Variants in APBB2 observed in about 807,000 individuals in gnomAD.
APBB2 encodes the protein Fe65-like 1.
Under a neutral mutation model 82.5 loss-of-function variants are expected in APBB2, and 38 were observed. The observed-to-expected ratio is 0.46, with a 90% CI of 0.36 to 0.60. APBB2 has a LOEUF of 0.60. Among genes scored for constraint, APBB2 ranks in the 20% least tolerant of loss-of-function variants. APBB2 has a pLI of 0.00. For missense variants in APBB2, 772 were observed against 972.3 expected (o/e 0.79, Z 2.74); for synonymous variants, 341 against 368.2 (o/e 0.93, Z 0.85).
chr4:41,015,769 G>A (rs1054783313), intron 5 of APBB2, among the ~76,000 whole-genome samples: 13 of 151,934 alleles, frequency 8.6e-5, no homozygotes, highest in African/African-American at 1.5e-4. Flanking sequence ...ATTATTTATC[G>A]GGATTCCTTC....
intron 12 of APBB2, among the ~76,000 whole-genome samples, chr4:40,859,485 A>G (rs1299234930): frequency 6.6e-6 from 1 of 152,020 alleles, no homozygotes; most frequent in Non-Finnish European, 1.5e-5. Context: ...GATTAGAGGC[A>G]TGAGCCACCG....
chr4:41,029,296 C>T (rs1304201975), intron 5 of APBB2, among the ~76,000 whole-genome samples: 1 of 152,054 alleles, frequency 6.6e-6, no homozygotes, highest in African/African-American at 2.4e-5. Context: ...GCTGGCTTCC[C>T]GAAACTACTC....
At chr4:41,077,530 C>T (rs1253997226) in intron 3 of APBB2, among the ~76,000 whole-genome samples, 1 of 152,044 alleles carries the variant, frequency 6.6e-6, no homozygotes, top group Non-Finnish European at 1.5e-5. Context: ...TACATAGAGT[C>T]AGAAGAGCAT....
chr4:40,943,312 C>A (rs1787529730), intron 7 of APBB2, among the ~76,000 whole-genome samples: 1 of 152,146 alleles, frequency 6.6e-6, no homozygotes, highest in Non-Finnish European at 1.5e-5. Flanking sequence ...CACTCTCTGG[C>A]TGGGAAGATG....
At chr4:41,186,817 T>C (rs1156955045) in intron 1 of APBB2, among the ~76,000 whole-genome samples, 1 of 152,354 alleles carries the variant, frequency 6.6e-6, no homozygotes, top group South Asian at 2.1e-4. Flanking sequence ...AGGTAGGTAT[T>C]AATCGATAAA....
chr4:40,841,853 T>C (rs1410623953), intron 12 of APBB2, among the ~76,000 whole-genome samples: 1 of 152,118 alleles, frequency 6.6e-6, no homozygotes, highest in Admixed American at 6.5e-5. Flanking sequence ...TAATTTTTTG[T>C]ATTCTTAGTA....
At chr4:41,073,324 A>C (rs967459032) in intron 3 of APBB2, among the ~76,000 whole-genome samples, 12 of 152,088 alleles carry the variant, frequency 7.9e-5, no homozygotes, top group African/African-American at 2.7e-4. Context: ...CTTCCTATCT[A>C]AGTTCTTTTC....
intron 12 of APBB2, among the ~76,000 whole-genome samples, chr4:40,851,734 A>AT (rs1449264101): frequency 1.1e-3 from 67 of 61,022 alleles, no homozygotes; most frequent in African/African-American, 4.5e-3. Flanking sequence ...ATATATATAT[A>AT]TATATTTTTT....
chr4:40,852,107 C>T (rs114000600), intron 12 of APBB2, among the ~76,000 whole-genome samples: 2,517 of 151,926 alleles, frequency 0.017, 30 homozygotes, highest in South Asian at 0.027. Flanking sequence ...TGCCTGTAAT[C>T]CCAGCACTAA....
intron 3 of APBB2, among the ~76,000 whole-genome samples, chr4:41,098,014 TC>T (rs1744138113): frequency 7.0e-6 from 1 of 143,366 alleles, no homozygotes. Context: ...ACCTCCCCCC[TC>T]CCCTCCCGTC....
Position 41,133,597 on chromosome 4 carries a change from G to A in APBB2, c.-261+9390C>T, listed in dbSNP as rs1005769589. 2.0e-5 allele frequency among the ~76,000 whole-genome samples: 3 copies of A among 152,200 alleles called. No homozygotes were observed. The East Asian group carries it at 5.8e-4, about 29-fold the overall frequency. On this transcript the variant is annotated intron_variant, in intron 2 of 17. Coordinates refer to ENST00000508593, the MANE Select transcript of APBB2 (RefSeq NM_004307.2). The stretch of plus-strand genomic sequence containing the variant: ...CCGTTTATTAGTTTCTGTACTTTGT[G>A]TCTAAGAGGCAGACACAGCGACAGG...
Position 40,958,739 on chromosome 4 carries a change from G to C in APBB2, c.836-13666C>G, listed in dbSNP as rs111993064. Among the ~76,000 whole-genome samples the C allele has an allele frequency of 4.6e-3, 701 of 152,158 alleles. 7 individuals carry two copies. The highest frequency in any genetic ancestry group is 0.016 in the African/African-American group (682 of 41,496). ...TCCTGTCTCAACCCCCTGAGTAGCT[G>C]GGACTACAGTTGCCCGCCACCATGC... On this transcript the variant is annotated intron_variant, in intron 6 of 17. Transcript: ENST00000508593.
chr4:40,927,629 A>C (rs1243870702), intron 10 of APBB2, among the ~76,000 whole-genome samples: 1 of 152,030 alleles, frequency 6.6e-6, no homozygotes, highest in South Asian at 2.1e-4. Flanking sequence ...CTACAGACGC[A>C]TGCCACCACG....
chr4:40,875,287 C>A (rs896657754), intron 12 of APBB2, among the ~76,000 whole-genome samples: 1 of 152,214 alleles, frequency 6.6e-6, no homozygotes, highest in Non-Finnish European at 1.5e-5. Flanking sequence ...AATTAACCAA[C>A]ACTTGGAAAT....
intron 6 of APBB2, among the ~76,000 whole-genome samples, chr4:40,970,265 C>T (rs1163615366): frequency 6.6e-6 from 1 of 152,120 alleles, no homozygotes; most frequent in Non-Finnish European, 1.5e-5. Context: ...CTAATTACTC[C>T]TTAATAAGGA....
intron 12 of APBB2, chr4:40,881,355 C>G: frequency 2.0e-6 from 2 of 985,002 alleles, no homozygotes; most frequent in Non-Finnish European, 2.4e-6. Context: ...TCAGAGAATC[C>G]CCTACTAGAT....
intron 10 of APBB2, among the ~76,000 whole-genome samples, chr4:40,897,849 C>A (rs995149381): frequency 2.6e-5 from 4 of 151,924 alleles, no homozygotes; most frequent in East Asian, 3.9e-4. Flanking sequence ...GGATGCCGGG[C>A]GTAATCAGTT....
intron 10 of APBB2, among the ~76,000 whole-genome samples, chr4:40,908,355 T>G (rs577281275): frequency 3.3e-5 from 5 of 152,140 alleles, no homozygotes; most frequent in African/African-American, 1.2e-4. Flanking sequence ...CGGTGGTGTA[T>G]ACACTTCAGG....
At chr4:40,861,679 T>C (rs1395500454) in intron 12 of APBB2, among the ~76,000 whole-genome samples, 1 of 152,220 alleles carries the variant, frequency 6.6e-6, no homozygotes, top group African/African-American at 2.4e-5. Flanking sequence ...GAAGGCAGTT[T>C]TTAAAAACAG....
Sources: allele counts gnomAD v4.1 joint callset (sites outside exome capture counted in the v4.1 genomes callset), GRCh38; gene constraint gnomAD v4.1.1; transcripts MANE v1.5; gene names NCBI Gene and HGNC (gene_info 2026-07-23, HGNC 2026-07-21).